Variants in SAMM50 observed in about 807,000 individuals in gnomAD.
The protein encoded by SAMM50 is SAMM50 sorting and assembly machinery component, also known as sorting and assembly machinery component 50 homolog.
Under a neutral mutation model 66.9 loss-of-function variants are expected in SAMM50, and 47 were observed. That is an observed-to-expected ratio of 0.70 (90% CI 0.56 to 0.90). SAMM50 has a LOEUF of 0.90. Among genes scored for constraint, SAMM50 ranks in the 40% least tolerant of loss-of-function variants. The pLI is 0.00. For synonymous variants in SAMM50, 191 were observed against 214.1 expected, an observed-to-expected ratio of 0.89 and a Z score of 0.94; for missense variants, 535 against 595.3, an observed-to-expected ratio of 0.90 and a Z score of 1.05.
intron 3 of SAMM50, among the ~76,000 whole-genome samples, chr22:43,966,635 T>A (rs1298364575): frequency 6.6e-6 from 1 of 152,138 alleles, no homozygotes; most frequent in Non-Finnish European, 1.5e-5. Context: ...GGATTACAGG[T>A]GTGAGCCACT....
intron 4 of SAMM50, among the ~76,000 whole-genome samples, chr22:43,970,180 G>T (rs2050196217): frequency 6.6e-6 from 1 of 152,168 alleles, no homozygotes; most frequent in Non-Finnish European, 1.5e-5. Context: ...CTGGTGTGGT[G>T]CTGCGTTCCC....
At chr22:43,967,661 G>A (rs1014514073) in intron 3 of SAMM50, among the ~76,000 whole-genome samples, 2 of 152,204 alleles carry the variant, frequency 1.3e-5, no homozygotes, top group South Asian at 2.1e-4. Context: ...TACCGCATTC[G>A]TCTGTGTGAT....
At chr22:43,985,593 T>C (rs2050288138) in intron 12 of SAMM50, among the ~76,000 whole-genome samples, 1 of 152,100 alleles carries the variant, frequency 6.6e-6, no homozygotes, top group African/African-American at 2.4e-5. Flanking sequence ...TGTTTGTCCA[T>C]TCAGCTGCCG....
intron 7 of SAMM50, among the ~76,000 whole-genome samples, chr22:43,973,976 C>T (rs972060116): frequency 2.0e-5 from 3 of 152,040 alleles, no homozygotes; most frequent in African/African-American, 7.2e-5. Context: ...TAAATGCCAC[C>T]ATTGGAATTC....
At chr22:43,985,135 C>T (rs1482984100) in intron 12 of SAMM50, among the ~76,000 whole-genome samples, 1 of 151,980 alleles carries the variant, frequency 6.6e-6, no homozygotes, top group Non-Finnish European at 1.5e-5. Flanking sequence ...CGTATAACCC[C>T]CATAGCTTCC....
chr22:43,989,327 A>G, intron 13 of SAMM50, 70 bp downstream of exon 13: 1 of 1,449,674 alleles, frequency 6.9e-7, no homozygotes, highest in Non-Finnish European at 9.4e-7. Context: ...CAGTACACAA[A>G]GAGGTGTCTG....
At chr22:43,993,627 T>C (rs1260646736) in intron 14 of SAMM50, among the ~76,000 whole-genome samples, 2 of 152,218 alleles carry the variant, frequency 1.3e-5, no homozygotes, top group Non-Finnish European at 2.9e-5. Context: ...TTATGGACAG[T>C]GAGCTCTGAA....
chr22:43,963,304 T>C lies in SAMM50; in HGVS notation c.40T>C (p.Ser14Pro), dbSNP rs1453670318. 6.2e-7 allele frequency: 1 copy of C among 1,610,792 alleles called. No homozygotes were observed. Among genetic ancestry groups the C allele is most frequent in the African/African-American group, 1.3e-5 (1 of 74,892 alleles). The part of the protein sequence containing the change: ...VHARSLEPLP[S>P]SGPDFGGLGE... ...CTTTCAGAGTTTGGAGCCTCTTCCA[T>C]CAAGTGGACCTGATTTTGGAGGATT... The change falls in exon 2 of 15, where the codon TCA becomes CCA. Residue 14 changes from serine to proline, a missense_variant. Ser to Pro is a moderately conservative substitution (Grantham distance 74). Coordinates refer to ENST00000350028, the MANE Select transcript of SAMM50 (RefSeq NM_015380.5).
In SAMM50 at chr22:43,957,721, G is replaced by A. The variant is rs1465887963; in HGVS notation, c.21+2123G>A. Among the ~76,000 whole-genome samples, 8 of 152,072 alleles carry A rather than the reference G, an allele frequency of 5.3e-5. No individual in the cohort carries two copies. In the East Asian group the frequency reaches 1.5e-3, roughly 29 times the overall value. On this transcript the variant is annotated intron_variant, in intron 1 of 14. Transcript: ENST00000350028. ...TTACAGGTGTGAGCCACTGCGCCCA[G>A]CCAATTATAACTACATTTCTGTCCA...
chr22:43,981,579 C>A, intron 11 of SAMM50, 118 bp downstream of exon 11: 1 of 661,512 alleles, frequency 1.5e-6, no homozygotes, highest in Non-Finnish European at 2.7e-6. Flanking sequence ...TTCAAATATT[C>A]CTTTAGTATT....
At chr22:43,968,025 C>A (rs967704207) in intron 3 of SAMM50, among the ~76,000 whole-genome samples, 7 of 151,822 alleles carry the variant, frequency 4.6e-5, no homozygotes, top group Non-Finnish European at 7.4e-5. Flanking sequence ...AGTTCGAGAC[C>A]AGCCTGGCCA....
rs538378493 is a variant in SAMM50 at position 43,995,023 on chromosome 22, G to A, written c.1365-1315G>A. ...AGGTATAGACTAGTTTGAAGGAGCT[G>A]AGAGTGTACAATCTAAAAACAGATC... is the stretch of plus-strand genomic sequence containing the variant. On this transcript the variant is annotated intron_variant, in intron 14 of 14. Coordinates refer to ENST00000350028, the MANE Select transcript of SAMM50 (RefSeq NM_015380.5). Among the ~76,000 whole-genome samples the A allele has an allele frequency of 2.0e-5, 3 of 152,336 alleles. No homozygotes were observed. The South Asian group carries it at 6.2e-4, about 32-fold the overall frequency.
rs1405004983 is a variant in SAMM50, at chr22:43,972,302, G to T, written c.389G>T (p.Gly130Val). Reference protein sequence around the residue: ...FEVTELRRLTGSYNTMVGNNE... With the variant: ...FEVTELRRLTVSYNTMVGNNE... ...GTAACTGAATTGAGGAGATTAACGG[G>T]CAGTTATAACACCATGGTTGGAAAC... The change falls in exon 5 of 15, where the codon GGC becomes GTC. Residue 130 changes from glycine (G) to valine (V), a missense_variant. Coordinates refer to ENST00000350028, the MANE Select transcript of SAMM50 (RefSeq NM_015380.5). The T allele has an allele frequency of 1.9e-6, 3 of 1,606,838 alleles. No individual in the cohort carries two copies. The African/African-American group carries it at 4.0e-5, about 21-fold the overall frequency.
intron 7 of SAMM50, 52 bp downstream of exon 7, chr22:43,973,375 T>C (rs781692606): frequency 2.7e-6 from 3 of 1,093,186 alleles, no homozygotes; most frequent in East Asian, 4.7e-5. Flanking sequence ...ACAGGGTGGC[T>C]TTTTCACTGA....
chr22:43,961,640 TG>T (rs1273332587), intron 1 of SAMM50, among the ~76,000 whole-genome samples: 1 of 152,114 alleles, frequency 6.6e-6, no homozygotes, highest in East Asian at 1.9e-4. Flanking sequence ...TTAGTAGAGA[TG>T]GAGTTTCACC....
chr22:43,981,607 C>T (rs2050265156), intron 11 of SAMM50, 146 bp downstream of exon 11: 1 of 580,456 alleles, frequency 1.7e-6, no homozygotes, highest in Non-Finnish European at 3.0e-6. Flanking sequence ...AAGCTAATTT[C>T]TAAATATCGG....
At chr22:43,973,559 T>C (rs759640367) in intron 7 of SAMM50, among the ~76,000 whole-genome samples, 5 of 152,270 alleles carry the variant, frequency 3.3e-5, no homozygotes, top group East Asian at 3.9e-4. Flanking sequence ...CGAGGCACCA[T>C]TGGTTGTCCC....
At chr22:43,992,896 G>C (rs1427129360) in intron 14 of SAMM50, among the ~76,000 whole-genome samples, 1 of 152,240 alleles carries the variant, frequency 6.6e-6, no homozygotes, top group Admixed American at 6.5e-5. Context: ...GCCATAGATG[G>C]GATGATGCAT....
chr22:43,986,348 C>T (rs2050293895), intron 12 of SAMM50: 1 of 151,724 alleles, frequency 6.6e-6, no homozygotes, highest in Non-Finnish European at 1.5e-5. Context: ...CCAAGTTTTA[C>T]TTTAATATGA....
Sources: gnomAD v4.1 joint callset for allele counts (sites outside exome capture counted in the v4.1 genomes callset) on GRCh38, gnomAD v4.1.1 for gene constraint, MANE v1.5 for transcripts, NCBI Gene and HGNC (gene_info 2026-07-23, HGNC 2026-07-21) for gene names.